The following SP100 variants were observed in gnomAD, a reference collection of about 807,000 sequenced individuals.
SP100 encodes nuclear autoantigen Sp-100.
In SP100, 84 loss-of-function variants were observed where a neutral mutation model predicts 130.0. That is an observed-to-expected ratio of 0.65 (90% CI 0.54 to 0.77). SP100 has a LOEUF of 0.77. Among genes scored for constraint, SP100 ranks in the 30% least tolerant of loss-of-function variants. The probability of loss-of-function intolerance (pLI) is 0.00; values close to 1 mark genes in which losing one functional copy is unlikely to be tolerated. For synonymous variants in SP100, 331 were observed against 351.7 expected, an observed-to-expected ratio of 0.94 and a Z score of 0.66; for missense variants, 978 against 1,052.2, an observed-to-expected ratio of 0.93 and a Z score of 0.97.
chr2:230,442,670 A>G (rs2063517026), intron 2 of SP100, among the ~76,000 whole-genome samples: 1 of 152,166 alleles, frequency 6.6e-6, no homozygotes, highest in African/African-American at 2.4e-5. Flanking sequence ...TATTCCATAT[A>G]TGGTTAGGTG....
In SP100 at chr2:230,506,410, C is replaced by T. The variant is rs749706905; in HGVS notation, c.1978C>T (p.Arg660Cys). The T allele has an allele frequency of 1.2e-5, 19 of 1,613,772 alleles. No homozygotes were observed. The highest frequency in any genetic ancestry group is 2.2e-5 in the East Asian group (1 of 44,890). The part of the protein sequence containing the change: ...GASKNWKLSI[R>C]CGGYTLKVLM... Reference sequence around the variant, plus strand: ...ATCCAAGAACTGGAAGCTAAGTATACGCTGCGGTGGATATACCCTGAAAGT... The same window carrying T: ...ATCCAAGAACTGGAAGCTAAGTATATGCTGCGGTGGATATACCCTGAAAGT... Residue 660 changes from arginine (R) to cysteine (C), a missense_variant, in exon 22 of 29, where the codon CGC (arginine) becomes TGC (cysteine). Physicochemically the swap from Arg to Cys is radical, Grantham distance 180. Transcript: ENST00000340126.
chr2:230,493,697 C>T (rs1212538312), intron 17 of SP100: 1 of 151,960 alleles, frequency 6.6e-6, no homozygotes, highest in Non-Finnish European at 1.5e-5. Flanking sequence ...GTTATAAACA[C>T]AATTACAGCT....
chr2:230,427,515 A>G (rs868710236), intron 2 of SP100, among the ~76,000 whole-genome samples: 48 of 151,986 alleles, frequency 3.2e-4, no homozygotes, highest in African/African-American at 1.1e-3. Flanking sequence ...GTTTTTTTTA[A>G]TCCATTCAGT....
rs775831754 is a variant in SP100 at position 230,494,416 on chromosome 2, G to T, written c.1601G>T (p.Arg534Ile). The T allele has an allele frequency of 6.3e-7, 1 of 1,595,972 alleles. No individual in the cohort carries two copies. Residue 534 changes from arginine to isoleucine, a missense_variant and splice_region_variant, in exon 18 of 29, where the codon AGA becomes ATA. Physicochemically the swap from Arg to Ile is moderately conservative, Grantham distance 97. Coordinates refer to ENST00000340126, the MANE Select transcript of SP100 (RefSeq NM_001080391.2). The part of the protein sequence containing the change: ...STLEKHSGKR[R>I]KKRRHRSKVN... ...TATTTTCTTTCTTTTCTGTTTGCAG[G>T]AAAAAAGAGAAGGCATAGATCTAAA...
chr2:230,515,408 T>A (rs1352743811), intron 24 of SP100: 1 of 1,613,884 alleles, frequency 6.2e-7, no homozygotes, highest in Admixed American at 1.7e-5. Flanking sequence ...GTGAAGAAAC[T>A]GGCAGGGATG....
chr2:230,541,318 CT>C lies in SP100; in HGVS notation c.2351del (p.Leu784Ter). ...TTTTGCAGAAATGTGAATTCCTCCT[CT>C]TGAAGGTCTACTGTGATTCGAAAAG... is the stretch of plus-strand genomic sequence containing the variant. ...EEQLKCEFLL[L>X]KVYCDSKSCF... On this transcript the variant is annotated frameshift_variant, in exon 27 of 29. Transcript: ENST00000340126. LOFTEE classifies it high-confidence loss of function. 1 of 1,614,024 alleles carries C rather than the reference CT, an allele frequency of 6.2e-7. No individual in the cohort carries two copies. Among genetic ancestry groups the C allele is most frequent in the Non-Finnish European group, 8.5e-7 (1 of 1,179,906 alleles).
At position 230,496,850 on chromosome 2, in the gene SP100, T is replaced by A. The variant is rs541546198; in HGVS notation, c.1646-1611T>A. Among the ~76,000 whole-genome samples, 3 of 152,316 alleles carry A rather than the reference T, an allele frequency of 2.0e-5. No individual in the cohort carries two copies. In the East Asian group the frequency reaches 5.8e-4, roughly 29 times the overall value. ...AGAATATCTCTCAAGAAGAACTAAG[T>A]GAGTTCCTCCTTTCCCTAGGGAGAC... On this transcript the variant is annotated intron_variant, in intron 18 of 28. Coordinates refer to ENST00000340126, the MANE Select transcript of SP100 (RefSeq NM_001080391.2).
rs77476555 is a variant in SP100, at chr2:230,460,960, C to T, written c.821-302C>T. ...CTTGATCAAAGTGATTTACTTCCTT[C>T]GTGATCATTCAAAACCCACTTTTAT... On this transcript the variant is annotated intron_variant, in intron 8 of 28. Coordinates refer to ENST00000340126, the MANE Select transcript of SP100 (RefSeq NM_001080391.2). Among the ~76,000 whole-genome samples the T allele has an allele frequency of 1.7e-3, 254 of 150,888 alleles. 3 individuals are homozygous for T. The highest frequency in any genetic ancestry group is 5.9e-3 in the African/African-American group (237 of 40,256).
chr2:230,469,134 T>G, intron 14 of SP100, 38 bp downstream of exon 14: 1 of 1,279,116 alleles, frequency 7.8e-7, no homozygotes, highest in Non-Finnish European at 1.1e-6. Context: ...AACAAATGTC[T>G]TTATTTGCTG....
intron 24 of SP100, among the ~76,000 whole-genome samples, chr2:230,536,107 G>A (rs1691928351): frequency 6.6e-6 from 1 of 152,066 alleles, no homozygotes; most frequent in Non-Finnish European, 1.5e-5. Flanking sequence ...ATATGGGACT[G>A]AAGCTTATTT....
In SP100 at chr2:230,543,119, T is replaced by C. The variant is rs1459137020; in HGVS notation, c.*173T>C. On this transcript the variant is annotated 3_prime_UTR_variant, in exon 29 of 29. Coordinates refer to ENST00000340126, the MANE Select transcript of SP100 (RefSeq NM_001080391.2). ...TTCAATAAAATTCAACACCCCTTCA[T>C]GTTAAAAATTCTCAATAAGCTAGGT... is the stretch of plus-strand genomic sequence containing the variant. 2 of 480,404 alleles carry C rather than the reference T, an allele frequency of 4.2e-6. No homozygotes were observed. The highest frequency in any genetic ancestry group is 7.5e-6 in the Non-Finnish European group (2 of 268,102). 29.8% of individuals were successfully genotyped at this position (480,404 alleles called of 1,614,324 possible). A position where few individuals can be genotyped will look rare whatever the true frequency, so the allele number is the denominator to read the frequency against.
rs1255408461 is a variant in SP100, at chr2:230,494,419, A to G, written c.1604A>G (p.Lys535Arg). 3 of 1,602,566 alleles carry G rather than the reference A, an allele frequency of 1.9e-6. No homozygotes were observed. Among genetic ancestry groups the G allele is most frequent in the Non-Finnish European group, 2.6e-6 (3 of 1,169,706 alleles). ...TLEKHSGKRR[K>R]KRRHRSKVNG... ...TTTCTTTCTTTTCTGTTTGCAGGAA[A>G]AAAGAGAAGGCATAGATCTAAAGTA... The change falls in exon 18 of 29, where the codon AAA becomes AGA. Residue 535 changes from lysine (K) to arginine (R), a missense_variant. Coordinates refer to ENST00000340126, the MANE Select transcript of SP100 (RefSeq NM_001080391.2).
At chr2:230,524,362 A>C (rs12991785) in intron 24 of SP100, among the ~76,000 whole-genome samples, 13,433 of 149,812 alleles carry the variant, frequency 0.09, 669 homozygotes, top group Middle Eastern at 0.17. Flanking sequence ...ATCTCAAAAA[A>C]AAAAAAAAAG....
chr2:230,450,343 C>A, intron 8 of SP100, 88 bp downstream of exon 8: 1 of 850,976 alleles, frequency 1.2e-6, no homozygotes, highest in Non-Finnish European at 1.9e-6. Context: ...TGTTGTTTTA[C>A]CATCGTAACC....
chr2:230,465,178 G>A (rs2619158), intron 11 of SP100, among the ~76,000 whole-genome samples: 2 of 151,794 alleles, frequency 1.3e-5, no homozygotes, highest in South Asian at 4.2e-4. Context: ...GGATGTTGCA[G>A]TGAGCCAAGA....
chr2:230,432,157 T>C (rs549496331), intron 2 of SP100, among the ~76,000 whole-genome samples: 2 of 152,346 alleles, frequency 1.3e-5, no homozygotes, highest in South Asian at 4.1e-4. Context: ...CTTTTACATC[T>C]GGGTTATTTC....
chr2:230,529,291 G>A (rs141625321), intron 24 of SP100, among the ~76,000 whole-genome samples: 31 of 152,234 alleles, frequency 2.0e-4, no homozygotes, highest in Admixed American at 7.2e-4. Flanking sequence ...ATCAATAAAC[G>A]TAACCCATCA....
intron 8 of SP100, among the ~76,000 whole-genome samples, chr2:230,451,268 G>T (rs1388969631): frequency 1.3e-5 from 2 of 152,108 alleles, no homozygotes; most frequent in Non-Finnish European, 2.9e-5. Flanking sequence ...AGTGTACAAA[G>T]GTTCCCTTTT....
At chr2:230,465,347 T>TA (rs1169267437) in intron 11 of SP100, among the ~76,000 whole-genome samples, 1 of 151,544 alleles carries the variant, frequency 6.6e-6, no homozygotes, top group African/African-American at 2.4e-5. Context: ...TGCAGTGAGT[T>TA]ACGATTGTGC....
Sources: allele counts gnomAD v4.1 joint callset (sites outside exome capture counted in the v4.1 genomes callset), GRCh38; gene constraint gnomAD v4.1.1; transcripts MANE v1.5; gene names NCBI Gene and HGNC (gene_info 2026-07-23, HGNC 2026-07-21).